GABBR2: variants seen among roughly 807,000 people sequenced by gnomAD.
GABBR2 encodes the protein G-protein coupled receptor 51.
A neutral mutation model predicts 105.6 loss-of-function variants in GABBR2; 23 were observed. The observed-to-expected ratio is 0.22, with a 90% CI of 0.16 to 0.31. GABBR2 has a LOEUF of 0.31. Among genes scored for constraint, GABBR2 ranks in the 10% least tolerant of loss-of-function variants. GABBR2 has a pLI of 1.00. For missense variants in GABBR2, 734 were observed against 1,245.5 expected, an observed-to-expected ratio of 0.59 and a Z score of 6.18; for synonymous variants, 478 against 499.7, an observed-to-expected ratio of 0.96 and a Z score of 0.58.
At chr9:98,319,265 T>A (rs1830778258) in intron 13 of GABBR2, among the ~76,000 whole-genome samples, 1 of 152,002 alleles carries the variant, frequency 6.6e-6, no homozygotes. Flanking sequence ...GTGGAAAGCA[T>A]CATTATTATC....
chr9:98,484,968 G>T (rs145384514), intron 4 of GABBR2, among the ~76,000 whole-genome samples: 2 of 152,208 alleles, frequency 1.3e-5, no homozygotes, highest in Non-Finnish European at 2.9e-5. Flanking sequence ...ATGCTGAAAG[G>T]GCTTGGGGCA....
intron 1 of GABBR2, among the ~76,000 whole-genome samples, chr9:98,583,727 GT>G (rs1829033500): frequency 6.6e-6 from 1 of 152,218 alleles, no homozygotes; most frequent in African/African-American, 2.4e-5. Flanking sequence ...CTAGGTTTTA[GT>G]TTCCTGAAGG....
At chr9:98,648,120 G>GTGTGTGTGTGTGTGTGTGT (rs1564140811) in intron 1 of GABBR2, among the ~76,000 whole-genome samples, 2 of 39,902 alleles carry the variant, frequency 5.0e-5, no homozygotes, top group Non-Finnish European at 1.1e-4. Flanking sequence ...TGTGTGTATA[G>GTGTGTGTGTGTGTGTGTGT]ATAGATAGAT....
intron 3 of GABBR2, among the ~76,000 whole-genome samples, chr9:98,498,849 T>C (rs1827340161): frequency 6.6e-6 from 1 of 152,234 alleles, no homozygotes; most frequent in Non-Finnish European, 1.5e-5. Context: ...ATGATGAGTT[T>C]TGAGCAGCAC....
intron 13 of GABBR2, among the ~76,000 whole-genome samples, chr9:98,356,491 A>G (rs1299438145): frequency 6.6e-6 from 1 of 152,242 alleles, no homozygotes; most frequent in Admixed American, 6.5e-5. Flanking sequence ...AATGGCTAAA[A>G]TCCAAAACAC....
intron 2 of GABBR2, among the ~76,000 whole-genome samples, chr9:98,562,190 G>A (rs1029250078): frequency 2.4e-4 from 36 of 152,248 alleles, no homozygotes; most frequent in African/African-American, 8.4e-4. Context: ...CATAAAAAAT[G>A]TAGTATTCTT....
chr9:98,705,948 T>C (rs1830886444), intron 1 of GABBR2, among the ~76,000 whole-genome samples: 1 of 152,074 alleles, frequency 6.6e-6, no homozygotes, highest in African/African-American at 2.4e-5. Flanking sequence ...TGGTGGCACA[T>C]GCCTGTAATC....
chr9:98,504,455 C>T (rs1470556247), intron 3 of GABBR2, among the ~76,000 whole-genome samples: 1 of 152,196 alleles, frequency 6.6e-6, no homozygotes, highest in Non-Finnish European at 1.5e-5. Flanking sequence ...GAGGAACCAT[C>T]CAGAAAGGCA....
At chr9:98,350,947 A>G (rs899332156) in intron 13 of GABBR2, among the ~76,000 whole-genome samples, 2 of 152,092 alleles carry the variant, frequency 1.3e-5, no homozygotes, top group African/African-American at 4.8e-5. Flanking sequence ...CACAATTGTT[A>G]TATCTGCTTG....
At position 98,427,087 on chromosome 9, in the gene GABBR2, G is replaced by A. The variant is rs7026001; in HGVS notation, c.1237-20946C>T. On this transcript the variant is annotated intron_variant, in intron 7 of 18. Transcript: ENST00000259455. ...GGGCTGCTGCTTTGATGGTCCCAGT[G>A]TTTGCCTGAGGAGGGTCAGGAGGTT... 8.0e-3 allele frequency among the ~76,000 whole-genome samples: 1,220 copies of A among 152,342 alleles called. 15 individuals are homozygous for A. The highest frequency in any genetic ancestry group is 0.024 in the East Asian group (127 of 5,188).
intron 2 of GABBR2, among the ~76,000 whole-genome samples, chr9:98,563,902 T>A (rs901526760): frequency 6.6e-6 from 1 of 152,134 alleles, no homozygotes; most frequent in African/African-American, 2.4e-5. Flanking sequence ...AGAAAAAAAA[T>A]CAGCTCATTC....
intron 1 of GABBR2, chr9:98,607,740 T>G: frequency 1.3e-6 from 1 of 774,184 alleles, no homozygotes; most frequent in East Asian, 2.4e-5. Flanking sequence ...ATGTCCACTA[T>G]GAGAACTACA....
intron 1 of GABBR2, among the ~76,000 whole-genome samples, chr9:98,644,314 G>A (rs1302440454): frequency 6.6e-6 from 1 of 152,232 alleles, no homozygotes; most frequent in Non-Finnish European, 1.5e-5. Context: ...GCAGCAAAGA[G>A]CAGAAAGGAT....
intron 7 of GABBR2, among the ~76,000 whole-genome samples, chr9:98,437,646 CCATCCATCTACCCACA>C (rs966502676): frequency 1.3e-5 from 2 of 150,224 alleles, no homozygotes; most frequent in African/African-American, 2.5e-5. Flanking sequence ...TCCTGTTAAT[CCATCCATCTACCCACA>C]CATCCATCTG....
chr9:98,651,623 G>C (rs10987249), intron 1 of GABBR2, among the ~76,000 whole-genome samples: 8,154 of 151,702 alleles, frequency 0.054, 841 homozygotes, highest in East Asian at 0.44. Context: ...ATTAGAGATG[G>C]GTCTCGCTAT....
At chr9:98,476,227 G>A (rs2131635590) in intron 5 of GABBR2, among the ~76,000 whole-genome samples, 1 of 152,282 alleles carries the variant, frequency 6.6e-6, no homozygotes, top group East Asian at 1.9e-4. Context: ...AATCAGATCA[G>A]CTCTGACAGT....
At chr9:98,415,521 A>G (rs1440135825) in intron 7 of GABBR2, among the ~76,000 whole-genome samples, 1 of 152,188 alleles carries the variant, frequency 6.6e-6, no homozygotes, top group African/African-American at 2.4e-5. Context: ...ATTTTCTGGG[A>G]AGGGAAGCTG....
chr9:98,416,647 A>C (rs1588149343), intron 7 of GABBR2, among the ~76,000 whole-genome samples: 2 of 152,362 alleles, frequency 1.3e-5, no homozygotes, highest in East Asian at 3.9e-4. Flanking sequence ...CATCGGGCAG[A>C]CATGCCCCTC....
intron 1 of GABBR2, among the ~76,000 whole-genome samples, chr9:98,699,541 G>T (rs559967540): frequency 6.6e-6 from 1 of 152,244 alleles, no homozygotes; most frequent in East Asian, 1.9e-4. Flanking sequence ...AGATCTATTT[G>T]TTCGATAAAT....
Sources: gnomAD v4.1 joint callset for allele counts (sites outside exome capture counted in the v4.1 genomes callset) on GRCh38, gnomAD v4.1.1 for gene constraint, MANE v1.5 for transcripts, NCBI Gene and HGNC (gene_info 2026-07-23, HGNC 2026-07-21) for gene names.